Variants in NGEF observed in about 807,000 individuals in gnomAD.
NGEF encodes the protein neuronal guanine nucleotide exchange factor.
A neutral mutation model predicts 80.9 loss-of-function variants in NGEF; 31 were observed. That is an observed-to-expected ratio of 0.38 (90% CI 0.29 to 0.52). The LOEUF (loss-of-function observed/expected upper bound fraction) is 0.52. Ranked by LOEUF, NGEF falls within the 20% of genes least tolerant of loss-of-function variation. The probability of loss-of-function intolerance (pLI) is 0.84; values close to 1 mark genes in which losing one functional copy is unlikely to be tolerated. For synonymous variants in NGEF, 371 were observed against 370.2 expected, an observed-to-expected ratio of 1.00 and a Z score of -0.03; for missense variants, 709 against 926.2, an observed-to-expected ratio of 0.77 and a Z score of 3.04.
intron 8 of NGEF, chr2:232,891,123 T>G (rs1691868796): frequency 1.6e-6 from 1 of 608,596 alleles, no homozygotes; most frequent in Non-Finnish European, 3.1e-6. Context: ...CCCATTTGGC[T>G]GTCCCCAGGG....
Position 232,974,704 on chromosome 2 carries a change from A to G in NGEF, c.187T>C (p.Ser63Pro), listed in dbSNP as rs755263861. ...CGTCTTATGGAGCGATTGAAGATGG[A>G]ATTTCTCTTAATTGGGATGTGGCAA... ...PHCHIPIKRN[S>P]IFNRSIRRKS... Residue 63 changes from serine (S) to proline (P), a missense_variant, in exon 2 of 15, where the codon TCC becomes CCC. Ser to Pro is a moderately conservative substitution (Grantham distance 74). Transcript: ENST00000264051. The G allele has an allele frequency of 6.2e-7, 1 of 1,614,162 alleles. No individual in the cohort carries two copies. The highest frequency in any genetic ancestry group is 1.7e-5 in the Admixed American group (1 of 60,018).
intron 5 of NGEF, among the ~76,000 whole-genome samples, chr2:232,899,024 G>A (rs1427402100): frequency 6.6e-6 from 1 of 151,896 alleles, no homozygotes; most frequent in Non-Finnish European, 1.5e-5. Flanking sequence ...TAACATGTGT[G>A]AGTGAATATG....
chr2:232,882,922 G>A (rs1691554333), intron 12 of NGEF, among the ~76,000 whole-genome samples: 2 of 152,156 alleles, frequency 1.3e-5, no homozygotes, highest in South Asian at 4.1e-4. Flanking sequence ...GTGAAGAGAT[G>A]AGCTCAATGC....
intron 3 of NGEF, among the ~76,000 whole-genome samples, chr2:232,968,444 T>C (rs12473334): frequency 0.64 from 96,251 of 150,894 alleles, 31,814 homozygotes; most frequent in East Asian, 0.81. Flanking sequence ...CTCGCTCTGT[T>C]GCGCAGGCTG....
intron 3 of NGEF, among the ~76,000 whole-genome samples, chr2:232,942,274 T>A (rs958693932): frequency 9.9e-5 from 15 of 152,194 alleles, no homozygotes; most frequent in Middle Eastern, 3.2e-3. Context: ...TAACTCTCTG[T>A]CCTGTTGGAC....
chr2:232,983,293 C>A (rs773663481), intron 1 of NGEF, among the ~76,000 whole-genome samples: 1 of 151,926 alleles, frequency 6.6e-6, no homozygotes, highest in Non-Finnish European at 1.5e-5. Flanking sequence ...CCTACTACGC[C>A]GTGGCCACTT....
chr2:232,892,880 C>T lies in NGEF; in HGVS notation c.1142+18G>A. 6.2e-7 allele frequency: 1 copy of T among 1,610,466 alleles called. No individual in the cohort carries two copies. Among genetic ancestry groups the T allele is most frequent in the Non-Finnish European group, 8.5e-7 (1 of 1,178,102 alleles). On this transcript the variant is annotated intron_variant, in intron 7 of 14. Coordinates refer to ENST00000264051, the MANE Select transcript of NGEF (RefSeq NM_019850.3). This position sits in a 1 kb window ranked among gnomAD's most constrained non-coding sequence, Gnocchi z 4.0. ...GGCACCTCCCCCTGCCCCTGAGCCC[C>T]TTGCCGGATACACTCACAGCAGCTG...
chr2:232,980,132 G>A (rs1694382437), intron 1 of NGEF, among the ~76,000 whole-genome samples: 1 of 152,214 alleles, frequency 6.6e-6, no homozygotes, highest in South Asian at 2.1e-4. Context: ...ATCAGAGCCA[G>A]GAGGGGGCTC....
At chr2:232,997,312 AGCCT>A (rs1694874264) in intron 1 of NGEF, among the ~76,000 whole-genome samples, 1 of 152,142 alleles carries the variant, frequency 6.6e-6, no homozygotes, top group Non-Finnish European at 1.5e-5. Flanking sequence ...CTGGAAAAGG[AGCCT>A]GCCCTTGTCG....
chr2:232,982,440 A>G (rs1458345793), intron 1 of NGEF, among the ~76,000 whole-genome samples: 3 of 152,196 alleles, frequency 2.0e-5, no homozygotes, highest in African/African-American at 7.2e-5. Context: ...CAGATCACCT[A>G]CATCATTTCC....
chr2:232,943,506 T>TC (rs1693481215), intron 3 of NGEF, among the ~76,000 whole-genome samples: 1 of 151,156 alleles, frequency 6.6e-6, no homozygotes, highest in African/African-American at 2.4e-5. Context: ...TACATTTTTT[T>TC]TTTTTTTGAG....
intron 8 of NGEF, among the ~76,000 whole-genome samples, chr2:232,888,465 T>C (rs555920672): frequency 7.9e-5 from 12 of 151,168 alleles, no homozygotes; most frequent in Admixed American, 7.9e-4. Flanking sequence ...CATGCACACT[T>C]GCAAGCACAG....
At chr2:232,985,535 G>A (rs1015787131) in intron 1 of NGEF, among the ~76,000 whole-genome samples, 2 of 150,830 alleles carry the variant, frequency 1.3e-5, no homozygotes, top group East Asian at 3.9e-4. Context: ...GGCGGATCAC[G>A]AGGTCAGCAG....
chr2:232,959,503 C>A (rs1413726221), intron 3 of NGEF, among the ~76,000 whole-genome samples: 1 of 151,968 alleles, frequency 6.6e-6, no homozygotes, highest in Non-Finnish European at 1.5e-5. Flanking sequence ...TGGGACATTG[C>A]CCAGCATCAG....
intron 11 of NGEF, 105 bp downstream of exon 11, chr2:232,883,876 C>A (rs1405918320): frequency 7.3e-6 from 9 of 1,236,088 alleles, no homozygotes; most frequent in Non-Finnish European, 9.9e-6. Flanking sequence ...ACCGAAGAGC[C>A]CAAGCTCTGT....
At chr2:232,899,292 T>G (rs540838925) in intron 5 of NGEF, among the ~76,000 whole-genome samples, 3 of 152,112 alleles carry the variant, frequency 2.0e-5, no homozygotes, top group African/African-American at 7.2e-5. Context: ...GGAATGCGCA[T>G]GTAGCCTGGA....
At chr2:232,903,108 G>A (rs1692403761) in intron 5 of NGEF, among the ~76,000 whole-genome samples, 1 of 152,210 alleles carries the variant, frequency 6.6e-6, no homozygotes, top group Non-Finnish European at 1.5e-5. Context: ...CTCATATGTG[G>A]CTAGTGTGTG....
chr2:232,913,663 G>A lies in NGEF; in HGVS notation c.828+6621C>T, dbSNP rs143746564. Among the ~76,000 whole-genome samples, 195 of 152,282 alleles carry A rather than the reference G, an allele frequency of 1.3e-3. 1 individual carries two copies. Among genetic ancestry groups the A allele is most frequent in the Middle Eastern group, 6.8e-3 (2 of 294 alleles). On this transcript the variant is annotated intron_variant, in intron 5 of 14. Coordinates refer to ENST00000264051, the MANE Select transcript of NGEF (RefSeq NM_019850.3). The stretch of plus-strand genomic sequence containing the variant: ...TAGCCGGGCGCGGTGACTCACACCT[G>A]TAATCCCAGCACTTTGGGAGGCCTG...
intron 1 of NGEF, among the ~76,000 whole-genome samples, chr2:233,010,324 G>A (rs913401191): frequency 6.6e-6 from 1 of 152,176 alleles, no homozygotes; most frequent in Non-Finnish European, 1.5e-5. Flanking sequence ...GTGAACGTAT[G>A]CTATTTAGAG....
Sources: allele counts gnomAD v4.1 joint callset (sites outside exome capture counted in the v4.1 genomes callset), GRCh38; gene constraint gnomAD v4.1.1; non-coding constraint Gnocchi (gnomAD v3.1); transcripts MANE v1.5; gene names NCBI Gene and HGNC (gene_info 2026-07-23, HGNC 2026-07-21).